ZC3H4: variants seen among roughly 807,000 people sequenced by gnomAD.
ZC3H4 encodes the protein zinc finger CCCH domain-containing protein 4.
In ZC3H4, 13 loss-of-function variants were observed where a neutral mutation model predicts 108.3. The ratio of observed to expected loss-of-function variants is 0.12; its 90% CI spans 0.08 to 0.19. The LOEUF (loss-of-function observed/expected upper bound fraction) is 0.19. Ranked by LOEUF, ZC3H4 falls within the 10% of genes least tolerant of loss-of-function variation. The probability of loss-of-function intolerance (pLI) is 1.00; values close to 1 mark genes in which losing one functional copy is unlikely to be tolerated. For missense variants in ZC3H4, 1,734 were observed against 1,838.8 expected (o/e 0.94, Z 1.04); for synonymous variants, 917 against 749.6 (o/e 1.22, Z -3.65).
intron 11 of ZC3H4, among the ~76,000 whole-genome samples, chr19:47,075,897 G>GT (rs1361568283): frequency 6.6e-6 from 1 of 152,184 alleles, no homozygotes; most frequent in Non-Finnish European, 1.5e-5. Flanking sequence ...CACAGACCCT[G>GT]TGGAGGGCAC....
rs2057354527 is a variant in ZC3H4, at chr19:47,072,801, A to G, written c.1441-88T>C. 2 of 1,475,238 alleles carry G rather than the reference A, an allele frequency of 1.4e-6. No individual in the cohort carries two copies. Among genetic ancestry groups the G allele is most frequent in the East Asian group, 2.3e-5 (1 of 43,394 alleles). The allele number at this position is 1,475,238 out of a possible 1,614,324, so 91.4% of individuals were successfully genotyped here. On this transcript the variant is annotated intron_variant, in intron 11 of 14. Coordinates refer to ENST00000253048, the MANE Select transcript of ZC3H4 (RefSeq NM_015168.2). The surrounding 1 kb of genome is among the most constrained non-coding windows in gnomAD (Gnocchi z 5.6). ...GGTCTGAGAGCTGAAGTTTATGAGG[A>G]AAAGTCCATAATACAAGGACCTTGA...
intron 11 of ZC3H4, among the ~76,000 whole-genome samples, chr19:47,079,784 G>A (rs1014240772): frequency 6.6e-6 from 1 of 152,230 alleles, no homozygotes; most frequent in African/African-American, 2.4e-5. Context: ...CTACTCGGGA[G>A]GCTGAGGCAG....
In ZC3H4 at chr19:47,066,949, C is replaced by A. The variant is rs200501790; in HGVS notation, c.3319G>T (p.Ala1107Ser). The A allele has an allele frequency of 1.3e-6, 2 of 1,593,090 alleles. No homozygotes were observed. Among genetic ancestry groups the A allele is most frequent in the African/African-American group, 1.3e-5 (1 of 74,594 alleles). The change falls in exon 15 of 15, where the codon GCC becomes TCC. Residue 1107 changes from alanine (A) to serine (S), a missense_variant. Ala to Ser is a moderately conservative substitution (Grantham distance 99, BLOSUM62 1). This residue lies in a region of ZC3H4 where 518 missense variants were observed against 499.6 expected (regional missense o/e 1.04). Transcript: ENST00000253048. ...PGPAEAPSPTASPSGDASPPA... is the reference protein window; with the variant it reads ...PGPAEAPSPTSSPSGDASPPA... ...GGGGAGGCATCCCCACTCGGGCTGGCGGTGGGAGAGGGCGCCTCAGCAGGG... is the reference window on the plus strand; with the variant it reads ...GGGGAGGCATCCCCACTCGGGCTGGAGGTGGGAGAGGGCGCCTCAGCAGGG...
intron 11 of ZC3H4, among the ~76,000 whole-genome samples, chr19:47,079,381 T>C (rs981009007): frequency 3.6e-5 from 5 of 137,474 alleles, no homozygotes; most frequent in South Asian, 2.3e-4. Flanking sequence ...TTCTTTTTAC[T>C]TTTTTTTTTT....
intron 2 of ZC3H4, among the ~76,000 whole-genome samples, chr19:47,110,167 G>C (rs1359295271): frequency 6.6e-6 from 1 of 152,048 alleles, no homozygotes; most frequent in Admixed American, 6.6e-5. Flanking sequence ...AGAGACATTG[G>C]AGTAAAATGA....
chr19:47,111,356 G>C (rs2058036525), intron 2 of ZC3H4, among the ~76,000 whole-genome samples: 1 of 152,226 alleles, frequency 6.6e-6, no homozygotes, highest in Non-Finnish European at 1.5e-5. Flanking sequence ...AGGGCGTGGG[G>C]GGCCCGCGTT....
At chr19:47,071,751 G>C in intron 13 of ZC3H4, 27 bp downstream of exon 13, 1 of 1,565,246 alleles carries the variant, frequency 6.4e-7, no homozygotes, top group Non-Finnish European at 8.6e-7. Context: ...TGCAGCCCCA[G>C]GCAGCCACAC....
intron 2 of ZC3H4, among the ~76,000 whole-genome samples, chr19:47,097,836 C>A (rs370662569): frequency 6.6e-6 from 1 of 152,188 alleles, no homozygotes; most frequent in Non-Finnish European, 1.5e-5. Context: ...GAAAAGCCTG[C>A]CGTGGCGGCC....
Position 47,084,250 on chromosome 19 carries a change from A to C in ZC3H4, c.1218+95T>G. On this transcript the variant is annotated intron_variant, in intron 9 of 14. Transcript: ENST00000253048. ...GGACAAGGACTACACAGTCACTCCC[A>C]CCCACCCTCACCACGGCTCCAGAAC... The C allele has an allele frequency of 2.5e-6, 3 of 1,190,352 alleles. No homozygotes were observed. The South Asian group carries it at 3.9e-5, about 15-fold the overall frequency. 73.7% of individuals were successfully genotyped at this position (1,190,352 alleles called of 1,614,324 possible).
chr19:47,067,963 T>C lies in ZC3H4; in HGVS notation c.2399-94A>G, dbSNP rs1362121244. On this transcript the variant is annotated intron_variant, in intron 14 of 14. Transcript: ENST00000253048. This position sits in a 1 kb window ranked among gnomAD's most constrained non-coding sequence, Gnocchi z 6.4. ...AGCAGCCCACCGTGAGCAGCTCCTTTGCTTGTGCCTCTCAGAACCTCAGGT... is the reference window on the plus strand; with the variant it reads ...AGCAGCCCACCGTGAGCAGCTCCTTCGCTTGTGCCTCTCAGAACCTCAGGT... 1.6e-6 allele frequency: 2 copies of C among 1,243,740 alleles called. No individual in the cohort carries two copies. Among genetic ancestry groups the C allele is most frequent in the African/African-American group, 1.5e-5 (1 of 66,960 alleles). The allele number at this position is 1,243,740 out of a possible 1,614,324, so 77.0% of individuals were successfully genotyped here. A position where few individuals can be genotyped will look rare whatever the true frequency, so the allele number is the denominator to read the frequency against.
At position 47,112,531 on chromosome 19, in the gene ZC3H4, C is replaced by T. The variant is rs2058054112; in HGVS notation, c.54G>A (p.Pro18=). ...PPPPPSESPP[P]PSPPPPSTPS... Reference sequence around the variant, plus strand: ...GCGTTGATGGCGGCGGCGGCGATGGCGGCGGCGGCGACTCTGATGGCGGCG... The same window carrying T: ...GCGTTGATGGCGGCGGCGGCGATGGTGGCGGCGGCGACTCTGATGGCGGCG... Residue 18 remains proline (P), a synonymous_variant, in exon 2 of 15, where the codon CCG becomes CCA. Coordinates refer to ENST00000253048, the MANE Select transcript of ZC3H4 (RefSeq NM_015168.2). 5 of 1,047,896 alleles carry T rather than the reference C, an allele frequency of 4.8e-6. No homozygotes were observed. The highest frequency in any genetic ancestry group is 4.6e-5 in the South Asian group (1 of 21,612). The allele number at this position is 1,047,896 out of a possible 1,614,324, so 64.9% of individuals were successfully genotyped here.
chr19:47,095,548 C>T (rs1173508701), intron 2 of ZC3H4, among the ~76,000 whole-genome samples: 1 of 152,164 alleles, frequency 6.6e-6, no homozygotes, highest in Non-Finnish European at 1.5e-5. Context: ...CCAATTCCCC[C>T]GTGTCACCCC....
chr19:47,067,671 C>T lies in ZC3H4; in HGVS notation c.2597G>A (p.Arg866Gln), dbSNP rs2057241178. Reference sequence around the variant, plus strand: ...CACATGGCGGGTGAGTCTGGGGTCCCGGCTGAGGCGAGGGTCAGCCAGCCG... The same window carrying T: ...CACATGGCGGGTGAGTCTGGGGTCCTGGCTGAGGCGAGGGTCAGCCAGCCG... Reference protein sequence around the residue: ...GSRLADPRLSRDPRLTRHVEA... With the variant: ...GSRLADPRLSQDPRLTRHVEA... The change falls in exon 15 of 15, where the codon CGG becomes CAG. Residue 866 changes from arginine (R) to glutamine (Q), a missense_variant. Physicochemically the swap from Arg to Gln is conservative, Grantham distance 43. Transcript: ENST00000253048. This position sits in a 1 kb window ranked among gnomAD's most constrained non-coding sequence, Gnocchi z 6.4. 1.3e-6 allele frequency: 2 copies of T among 1,599,644 alleles called. No individual in the cohort carries two copies. Among genetic ancestry groups the T allele is most frequent in the Admixed American group, 1.7e-5 (1 of 58,608 alleles).
At chr19:47,069,030 A>G (rs1275068556) in intron 14 of ZC3H4, 62 bp downstream of exon 14, 18 of 1,595,908 alleles carry the variant, frequency 1.1e-5, no homozygotes, top group Non-Finnish European at 1.5e-5. Flanking sequence ...ACACCCCACC[A>G]CCGCCGCTCC....
At chr19:47,104,617 A>C (rs2057945924) in intron 2 of ZC3H4, among the ~76,000 whole-genome samples, 1 of 152,224 alleles carries the variant, frequency 6.6e-6, no homozygotes, top group African/African-American at 2.4e-5. Flanking sequence ...AAACTCATTC[A>C]AGTGTTTATC....
At chr19:47,097,013 C>A (rs2057832398) in intron 2 of ZC3H4, 2 of 985,034 alleles carry the variant, frequency 2.0e-6, no homozygotes, top group East Asian at 1.1e-4. Context: ...AAGGTACAGG[C>A]TACTCTACAT....
chr19:47,103,954 T>C (rs2057937149), intron 2 of ZC3H4, among the ~76,000 whole-genome samples: 1 of 150,632 alleles, frequency 6.6e-6, no homozygotes, highest in African/African-American at 2.4e-5. Context: ...AAAAAATATG[T>C]AAAAATAAAA....
At position 47,069,183 on chromosome 19, in the gene ZC3H4, C is replaced by G; in HGVS notation, c.2307G>C (p.Leu769=). 1 of 1,610,680 alleles carries G rather than the reference C, an allele frequency of 6.2e-7. No individual in the cohort carries two copies. The highest frequency in any genetic ancestry group is 8.5e-7 in the Non-Finnish European group (1 of 1,179,976). The change falls in exon 14 of 15, where the codon CTG becomes CTC. Residue 769 remains leucine, a synonymous_variant. Transcript: ENST00000253048. The part of the protein sequence containing the change: ...PDFLPSAQRA[L]YLRIQQKQQE... ...GCTGCTTCTGCTGGATCCTCAGGTACAGGGCCCTCTGGGCTGAGGGCAGGA... is the reference window on the plus strand; with the variant it reads ...GCTGCTTCTGCTGGATCCTCAGGTAGAGGGCCCTCTGGGCTGAGGGCAGGA...
At chr19:47,089,928 C>T in intron 5 of ZC3H4, 39 bp downstream of exon 5, 3 of 1,610,520 alleles carry the variant, frequency 1.9e-6, no homozygotes, top group Non-Finnish European at 2.5e-6. Flanking sequence ...CCGGGTGGCT[C>T]CGATGCCCCA....
Sources: allele counts gnomAD v4.1 joint callset (sites outside exome capture counted in the v4.1 genomes callset), GRCh38; gene constraint gnomAD v4.1.1; regional missense constraint gnomAD v4.1.1; non-coding constraint Gnocchi (gnomAD v3.1); transcripts MANE v1.5; gene names NCBI Gene and HGNC (gene_info 2026-07-23, HGNC 2026-07-21).